The following TLE2 variants were observed in gnomAD, a reference collection of about 807,000 sequenced individuals.
TLE2 encodes transducin-like enhancer protein 2.
A neutral mutation model predicts 97.2 loss-of-function variants in TLE2; 74 were observed. That is an observed-to-expected ratio of 0.76 (90% CI 0.63 to 0.92). TLE2 has a LOEUF of 0.92. Among genes scored for constraint, TLE2 ranks in the 40% least tolerant of loss-of-function variants. The pLI, the probability that TLE2 is intolerant of heterozygous loss-of-function variation, is 0.00. For synonymous variants in TLE2, 499 were observed against 432.1 expected, an observed-to-expected ratio of 1.15 and a Z score of -1.92; for missense variants, 1,038 against 1,008.7, an observed-to-expected ratio of 1.03 and a Z score of -0.39.
At position 3,001,675 on chromosome 19, in the gene TLE2, A is replaced by G. The variant is rs2089363309; in HGVS notation, c.2047+678T>C. On this transcript the variant is annotated intron_variant, in intron 18 of 19. Coordinates refer to ENST00000262953, the MANE Select transcript of TLE2 (RefSeq NM_003260.5). ...ATTTTTTTGTAGAGAAAGTCTTGCT[A>G]TGTTGCCCAGGCTGGTCTTGAACTC... Among the ~76,000 whole-genome samples, 3 of 150,174 alleles carry G rather than the reference A, an allele frequency of 2.0e-5. No individual in the cohort carries two copies. In the South Asian group the frequency reaches 6.3e-4, roughly 32 times the overall value.
rs749018116 is a variant in TLE2 at position 3,008,952 on chromosome 19, G to T, written c.1174-7C>A. The T allele has an allele frequency of 4.4e-6, 7 of 1,577,320 alleles. No individual in the cohort carries two copies. The East Asian group carries it at 1.4e-4, about 32-fold the overall frequency. The stretch of plus-strand genomic sequence containing the variant: ...GATGAGACTCAAATGCCATCTGTGA[G>T]AATGCCAGGGGGGTGTCAGTGAGGC... On this transcript the variant is annotated splice_region_variant and splice_polypyrimidine_tract_variant and intron_variant, in intron 13 of 19. Transcript: ENST00000262953.
rs112798879 is a variant in TLE2 at position 3,021,771 on chromosome 19, C to T, written c.295-1998G>A. ...CTAATTTTCATACTTTTAGTAGAGA[C>T]GGGGTTTCACCATGTTGACCAGGCT... On this transcript the variant is annotated intron_variant, in intron 5 of 19. Coordinates refer to ENST00000262953, the MANE Select transcript of TLE2 (RefSeq NM_003260.5). Among the ~76,000 whole-genome samples the T allele has an allele frequency of 7.9e-3, 1,194 of 151,972 alleles. 40 individuals are homozygous for T. The highest frequency in any genetic ancestry group is 0.045 in the Admixed American group (686 of 15,238).
In TLE2 at chr19:2,997,932, CAGGACTG is replaced by C; in HGVS notation, c.2141_2147del (p.Ser714Ter). ...TGTTATTTCTGGAGATGTCACAACT[CAGGACTG>C]AGGACGACTCCTTGGACTGCCAAGG... is the stretch of plus-strand genomic sequence containing the variant. On this transcript the variant is annotated frameshift_variant, in exon 20 of 20. Transcript: ENST00000262953. LOFTEE classifies it high-confidence loss of function. The C allele has an allele frequency of 6.2e-7, 1 of 1,612,838 alleles. No homozygotes were observed. The highest frequency in any genetic ancestry group is 8.5e-7 in the Non-Finnish European group (1 of 1,179,472).
intron 5 of TLE2, 132 bp downstream of exon 5, chr19:3,024,888 T>A: frequency 1.3e-6 from 1 of 758,902 alleles, no homozygotes. Flanking sequence ...ACTACTGCAG[T>A]GAAAATGGTC....
Position 3,006,575 on chromosome 19 carries a change from G to T in TLE2, c.1345C>A (p.Arg449=). The change falls in exon 15 of 20, where the codon CGG becomes AGG. Residue 449 remains arginine, a synonymous_variant. Coordinates refer to ENST00000262953, the MANE Select transcript of TLE2 (RefSeq NM_003260.5). ...CCATGGGCCAGCGTGTGCAGCTGCC[G>T]GGCGTGCCGCGGGATGCCCGCGCCT... ...LVGAGIPRHA[R]QLHTLAHGEV... is the part of the protein sequence containing the mutation. The T allele has an allele frequency of 6.2e-7, 1 of 1,604,198 alleles. No homozygotes were observed.
Position 3,015,740 on chromosome 19 carries a change from AG to A in TLE2, c.590del (p.Pro197LeufsTer95). 6.2e-7 allele frequency: 1 copy of A among 1,609,608 alleles called. No individual in the cohort carries two copies. ...GTCGCTCCTCCTCCACGAGACTCTC[AG>A]GGGGCGAGGGAGATGCACTCTGCGG... is the stretch of plus-strand genomic sequence containing the variant. Reference protein sequence around the residue: ...APSRSASPSPPESLVEEERPS... With the variant: ...APSRSASPSPXESLVEEERPS... On this transcript the variant is annotated frameshift_variant, in exon 9 of 20. Transcript: ENST00000262953. LOFTEE classifies it high-confidence loss of function.
intron 15 of TLE2, 71 bp from the exon 16 acceptor site, chr19:3,006,039 T>TG (rs1384742638): frequency 1.9e-6 from 3 of 1,553,778 alleles, no homozygotes; most frequent in African/African-American, 2.7e-5. Flanking sequence ...TAGCTCAACG[T>TG]GGGGGTCTCT....
chr19:3,008,894 G>T lies in TLE2; in HGVS notation c.1225C>A (p.Leu409Ile). Residue 409 changes from leucine to isoleucine, a missense_variant, in exon 14 of 20, where the codon CTA (leucine) becomes ATA (isoleucine). Leu to Ile is a conservative substitution (Grantham distance 5, BLOSUM62 2). Coordinates refer to ENST00000262953, the MANE Select transcript of TLE2 (RefSeq NM_003260.5). ...HLRGSSVSSS[L>I]PSIPGGKPAY... ...GGCTTTCCCCCAGGGATGCTGGGTA[G>T]GGAGGAAGAGACGGATGACCCTCGG... 2 of 1,593,942 alleles carry T rather than the reference G, an allele frequency of 1.3e-6. No homozygotes were observed. The highest frequency in any genetic ancestry group is 2.3e-5 in the East Asian group (1 of 43,618).
Position 3,028,821 on chromosome 19 carries a change from G to A in TLE2, c.25-18C>T, listed in dbSNP as rs199623371. 8.1e-4 allele frequency: 1,290 copies of A among 1,601,982 alleles called. 6 individuals are homozygous for A. The African/African-American group carries it at 0.016, about 20-fold the overall frequency. On this transcript the variant is annotated intron_variant, in intron 1 of 19. Coordinates refer to ENST00000262953, the MANE Select transcript of TLE2 (RefSeq NM_003260.5). ...AGCGGGGTCTGGGGGGGGTGTGGGG[G>A]AAACGTCAGGGTCTGAGTTCCCGGA... is the stretch of plus-strand genomic sequence containing the variant.
At chr19:3,001,415 CAA>C (rs1483262633) in intron 18 of TLE2, among the ~76,000 whole-genome samples, 1 of 150,636 alleles carries the variant, frequency 6.6e-6, no homozygotes, top group Non-Finnish European at 1.5e-5. Context: ...GTGCCCAGCC[CAA>C]GTTTTGTTTG....
At chr19:3,030,128 A>G (rs1481815237), upstream of TLE2, among the ~76,000 whole-genome samples, 2 of 152,242 alleles carry the variant, frequency 1.3e-5, no homozygotes, top group South Asian at 4.1e-4. Flanking sequence ...ATAGTGCATG[A>G]ACGCTGTCAG....
chr19:3,042,963 C>T (rs927878016), intron 1 of TLE2, among the ~76,000 whole-genome samples: 3 of 151,956 alleles, frequency 2.0e-5, no homozygotes, highest in Non-Finnish European at 4.4e-5. Flanking sequence ...GGTTTCAGCT[C>T]CCTTCTCTAG....
At chr19:3,022,817 G>A (rs1429196619) in intron 5 of TLE2, among the ~76,000 whole-genome samples, 3 of 152,038 alleles carry the variant, frequency 2.0e-5, no homozygotes, top group Non-Finnish European at 2.9e-5. Context: ...TCTAGAAAGG[G>A]CCAGAGAGTG....
At chr19:3,006,238 A>AAC in intron 15 of TLE2, 182 bp downstream of exon 15, 6 of 1,128,850 alleles carry the variant, frequency 5.3e-6, no homozygotes, top group East Asian at 2.3e-5. Flanking sequence ...CAGATTGGCC[A>AAC]GAGCCCCACC....
upstream of TLE2, among the ~76,000 whole-genome samples, chr19:3,030,736 C>T (rs1161110511): frequency 4.0e-5 from 6 of 151,840 alleles, no homozygotes; most frequent in Non-Finnish European, 8.8e-5. Context: ...CCAGTGTGGA[C>T]AACACCGCGA....
intron 12 of TLE2, 50 bp from the exon 13 acceptor site, chr19:3,009,752 C>T (rs570943787): frequency 1.2e-5 from 19 of 1,551,490 alleles, no homozygotes; most frequent in Middle Eastern, 1.8e-4. Context: ...ACCCAGATCC[C>T]GCCTCCCACT....
intron 9 of TLE2, among the ~76,000 whole-genome samples, chr19:3,015,058 CAAA>C (rs34658846): frequency 0.033 from 4,290 of 130,474 alleles, 139 homozygotes; most frequent in African/African-American, 0.094. Flanking sequence ...AATTCATTGC[CAAA>C]AAAAAAAAAA....
At position 3,028,869 on chromosome 19, in the gene TLE2, G is replaced by A. The variant is rs780869001; in HGVS notation, c.24+12C>T. ...GGACACTGGGGGCCCCCTCCCCGCAGTCCGCACTCACCGGGTGCCTTCCCT... is the reference window on the plus strand; with the variant it reads ...GGACACTGGGGGCCCCCTCCCCGCAATCCGCACTCACCGGGTGCCTTCCCT... On this transcript the variant is annotated intron_variant, in intron 1 of 19. Transcript: ENST00000262953. 1.1e-5 allele frequency: 17 copies of A among 1,611,580 alleles called. No individual in the cohort carries two copies. Among genetic ancestry groups the A allele is most frequent in the Admixed American group, 5.0e-5 (3 of 60,008 alleles).
intron 1 of TLE2, chr19:3,045,653 C>T (rs1390795082): frequency 5.1e-6 from 2 of 389,820 alleles, no homozygotes; most frequent in African/African-American, 2.1e-5. Flanking sequence ...CACCCCCCAC[C>T]CCACCCCGTC....
Sources: allele counts gnomAD v4.1 joint callset (sites outside exome capture counted in the v4.1 genomes callset), GRCh38; gene constraint gnomAD v4.1.1; transcripts MANE v1.5; gene names NCBI Gene and HGNC (gene_info 2026-07-23, HGNC 2026-07-21).